Variants in ZSCAN25 observed in about 807,000 individuals in gnomAD.
ZSCAN25 encodes zinc finger and SCAN domain containing 25, also known as zinc finger and SCAN domain-containing protein 25.
A neutral mutation model predicts 38.7 loss-of-function variants in ZSCAN25; 27 were observed. The observed-to-expected ratio is 0.70, with a 90% CI of 0.51 to 0.96. The LOEUF (loss-of-function observed/expected upper bound fraction) is 0.96, where lower values mean the gene tolerates loss of function less well. Ranked by LOEUF, ZSCAN25 falls within the 40% of genes least tolerant of loss-of-function variation. The pLI is 0.00. For synonymous variants in ZSCAN25, 273 were observed against 277.7 expected, an observed-to-expected ratio of 0.98 and a Z score of 0.17; for missense variants, 637 against 705.9, an observed-to-expected ratio of 0.90 and a Z score of 1.11.
the ZSCAN25 span, chr7:99,638,646 G>A: frequency 1.3e-6 from 2 of 1,582,342 alleles, no homozygotes; most frequent in South Asian, 1.1e-5. Flanking sequence ...TGGGAATTGT[G>A]GTCACCGACT....
chr7:99,733,533 G>A, the ZSCAN25 span, among the ~76,000 whole-genome samples: 15 of 152,282 alleles, frequency 9.9e-5, no homozygotes, highest in South Asian at 1.0e-3. Context: ...TACCGGCATC[G>A]TCTAAGGCTA....
the ZSCAN25 span, among the ~76,000 whole-genome samples, chr7:99,675,767 C>T: frequency 2.8e-5 from 4 of 142,826 alleles, no homozygotes; most frequent in East Asian, 8.1e-4. Flanking sequence ...GATCACAGCT[C>T]AATACAGCCT....
the ZSCAN25 span, chr7:99,720,714 G>T: frequency 3.1e-6 from 1 of 327,188 alleles, no homozygotes; most frequent in South Asian, 3.7e-5. Flanking sequence ...AAGCTGGGTG[G>T]TGCATACATG....
the ZSCAN25 span, among the ~76,000 whole-genome samples, chr7:99,694,024 CTT>C: frequency 3.9e-5 from 6 of 152,174 alleles, no homozygotes; most frequent in Non-Finnish European, 5.9e-5. Context: ...TAAAATCACT[CTT>C]GAATTTTCTC....
rs1482165734 is a variant in ZSCAN25, at chr7:99,621,378, A to T, written c.393A>T (p.Pro131=). 17 of 1,410,548 alleles carry T rather than the reference A, an allele frequency of 1.2e-5. No individual in the cohort carries two copies. The highest frequency in any genetic ancestry group is 1.5e-5 in the Non-Finnish European group (16 of 1,067,332). 87.4% of individuals were successfully genotyped at this position (1,410,548 alleles called of 1,614,324 possible). A position where few individuals can be genotyped will look rare whatever the true frequency, so the allele number is the denominator to read the frequency against. Residue 131 remains proline (P), a synonymous_variant, in exon 5 of 8, where the codon CCA becomes CCT. Coordinates refer to ENST00000394152, the MANE Select transcript of ZSCAN25 (RefSeq NM_145115.3). ...GTGTTGGGAACTGTTCTTAGGTTCCATGCCACAGGCAGGGAGAGCAGGAGG... is the reference window on the plus strand; with the variant it reads ...GTGTTGGGAACTGTTCTTAGGTTCCTTGCCACAGGCAGGGAGAGCAGGAGG... ...TERALEAKAV[P]CHRQGEQEET...
At chr7:99,721,537 G>A in the ZSCAN25 span, among the ~76,000 whole-genome samples, 1 of 152,274 alleles carries the variant, frequency 6.6e-6, no homozygotes, top group South Asian at 2.1e-4. Context: ...AAGAAGAGGG[G>A]AATAGGCAGA....
At chr7:99,674,487 C>T in the ZSCAN25 span, 2 of 1,509,904 alleles carry the variant, frequency 1.3e-6, no homozygotes, top group African/African-American at 1.4e-5. Flanking sequence ...GGGGTAACCT[C>T]CTCACAGTAG....
the ZSCAN25 span, chr7:99,705,439 A>G: frequency 6.4e-7 from 1 of 1,554,970 alleles, no homozygotes; most frequent in East Asian, 2.3e-5. Context: ...AAGTAATTTG[A>G]GGTCTCTGGT....
the ZSCAN25 span, chr7:99,676,111 T>G: frequency 6.2e-6 from 10 of 1,613,076 alleles, no homozygotes; most frequent in South Asian, 1.1e-4. Flanking sequence ...CTCAAGCAAC[T>G]CACCTGACGA....
chr7:99,731,228 G>A, the ZSCAN25 span: 2 of 1,547,350 alleles, frequency 1.3e-6, no homozygotes, highest in East Asian at 2.3e-5. Flanking sequence ...CACTGACTGA[G>A]GAACTGGAAT....
At chr7:99,671,928 C>G in the ZSCAN25 span, 1 of 689,036 alleles carries the variant, frequency 1.5e-6, no homozygotes, top group African/African-American at 1.8e-5. Flanking sequence ...TAAACACACA[C>G]AAACAAGGGC....
Position 99,632,302 on chromosome 7 carries a change from T to A in ZSCAN25, c.*2282T>A, listed in dbSNP as rs1808064050. ...TTAAGAAATATTTTGTTTTCTGTAT[T>A]TTTCTATTCTTTAGAAATTTTTTTA... On this transcript the variant is annotated 3_prime_UTR_variant, in exon 8 of 8. Coordinates refer to ENST00000394152, the MANE Select transcript of ZSCAN25 (RefSeq NM_145115.3). 2 of 952,198 alleles carry A rather than the reference T, an allele frequency of 2.1e-6. No homozygotes were observed. Among genetic ancestry groups the A allele is most frequent in the Non-Finnish European group, 2.5e-6 (2 of 799,918 alleles). The allele number at this position is 952,198 out of a possible 1,614,324, so 59.0% of individuals were successfully genotyped here. A position where few individuals can be genotyped will look rare whatever the true frequency, so the allele number is the denominator to read the frequency against.
the ZSCAN25 span, among the ~76,000 whole-genome samples, chr7:99,688,146 G>A: frequency 6.6e-6 from 1 of 152,146 alleles, no homozygotes; most frequent in African/African-American, 2.4e-5. Flanking sequence ...ACATCATAAT[G>A]ACAGGATCAA....
chr7:99,711,876 T>C, the ZSCAN25 span, among the ~76,000 whole-genome samples: 1 of 152,284 alleles, frequency 6.6e-6, no homozygotes, highest in Non-Finnish European at 1.5e-5. Context: ...ATGTGGTAAT[T>C]TGTGTGCATA....
Position 99,630,431 on chromosome 7 carries a change from T to C in ZSCAN25, c.*411T>C. 1 of 1,009,054 alleles carries C rather than the reference T, an allele frequency of 9.9e-7. No homozygotes were observed. The highest frequency in any genetic ancestry group is 1.2e-6 in the Non-Finnish European group (1 of 845,502). 62.5% of individuals were successfully genotyped at this position (1,009,054 alleles called of 1,614,324 possible). Reference sequence around the variant, plus strand: ...TCAGACTCTTCCCCCACCCCCTCTCTTTTCCATTGAACAAACATTTATTGA... The same window carrying C: ...TCAGACTCTTCCCCCACCCCCTCTCCTTTCCATTGAACAAACATTTATTGA... On this transcript the variant is annotated 3_prime_UTR_variant, in exon 8 of 8. Coordinates refer to ENST00000394152, the MANE Select transcript of ZSCAN25 (RefSeq NM_145115.3).
the ZSCAN25 span, among the ~76,000 whole-genome samples, chr7:99,699,306 G>A: frequency 1.3e-5 from 2 of 152,176 alleles, no homozygotes; most frequent in Non-Finnish European, 2.9e-5. Flanking sequence ...TCATTGCAAG[G>A]TAAATAGTTC....
intron 7 of ZSCAN25, among the ~76,000 whole-genome samples, chr7:99,626,942 G>GTC (rs2151286685): frequency 6.6e-6 from 1 of 152,300 alleles, no homozygotes; most frequent in African/African-American, 2.4e-5. Flanking sequence ...CCACTACTGT[G>GTC]TCTTTCTCCC....
At chr7:99,672,782 A>T in the ZSCAN25 span, 1 of 1,571,094 alleles carries the variant, frequency 6.4e-7, no homozygotes, top group Non-Finnish European at 8.6e-7. Flanking sequence ...TGTAATCCAT[A>T]CCCCTAGTTG....
At chr7:99,688,634 A>T in the ZSCAN25 span, among the ~76,000 whole-genome samples, 23 of 152,176 alleles carry the variant, frequency 1.5e-4, no homozygotes, top group African/African-American at 5.3e-4. Context: ...GTTAACAAGG[A>T]TACCCAGGAA....
Sources: gnomAD v4.1 joint callset for allele counts (sites outside exome capture counted in the v4.1 genomes callset) on GRCh38, gnomAD v4.1.1 for gene constraint, MANE v1.5 for transcripts, NCBI Gene and HGNC (gene_info 2026-07-23, HGNC 2026-07-21) for gene names.